The following XPO5 variants were observed in gnomAD, a reference collection of about 807,000 sequenced individuals.
XPO5 encodes exportin 5, also known as exportin-5.
Under a neutral mutation model 160.6 loss-of-function variants are expected in XPO5, and 46 were observed. The observed-to-expected ratio is 0.29, with a 90% confidence interval of 0.23 to 0.37. The LOEUF is 0.37. XPO5 is among the 10% of genes least tolerant of loss of function. The pLI is 1.00. For missense variants in XPO5, 1,090 were observed against 1,463.9 expected (o/e 0.74, Z 4.17); for synonymous variants, 537 against 519.3 (o/e 1.03, Z -0.46).
chr6:43,571,713 C>T (rs761113517), intron 3 of XPO5, among the ~76,000 whole-genome samples: 15 of 151,500 alleles, frequency 9.9e-5, no homozygotes, highest in Admixed American at 5.9e-4. Flanking sequence ...GAGGCTAAGG[C>T]GAGAAGATCA....
chr6:43,554,496 C>T (rs188393283), intron 13 of XPO5, among the ~76,000 whole-genome samples: 3 of 151,600 alleles, frequency 2.0e-5, no homozygotes, highest in Admixed American at 2.0e-4. Context: ...ACGATCTTGG[C>T]TCACTGAAAC....
At chr6:43,563,575 T>C (rs994182725) in intron 8 of XPO5, among the ~76,000 whole-genome samples, 4 of 152,144 alleles carry the variant, frequency 2.6e-5, no homozygotes, top group Non-Finnish European at 5.9e-5. Flanking sequence ...TAGAGTGTAC[T>C]TACACAAACT....
chr6:43,553,462 C>A lies in XPO5; in HGVS notation c.1483G>T (p.Val495Phe). Residue 495 changes from valine to phenylalanine, a missense_variant, in exon 14 of 32, where the codon GTC (valine) becomes TTC (phenylalanine). Physicochemically the swap from Val to Phe is conservative, Grantham distance 50. Transcript: ENST00000265351. Reference sequence around the variant, plus strand: ...CACTGCACGAATGAAGGTGAGAAGACGGAACAGAGGCTTCCTTCTCCAGTT... The same window carrying A: ...CACTGCACGAATGAAGGTGAGAAGAAGGAACAGAGGCTTCCTTCTCCAGTT... Reference protein sequence around the residue: ...VGTGEGSLCSVFSPSFVQWEA... With the variant: ...VGTGEGSLCSFFSPSFVQWEA... 6.3e-7 allele frequency: 1 copy of A among 1,577,306 alleles called. No individual in the cohort carries two copies. The highest frequency in any genetic ancestry group is 8.6e-7 in the Non-Finnish European group (1 of 1,161,030).
chr6:43,562,009 G>A (rs1762442921), intron 9 of XPO5: 1 of 359,792 alleles, frequency 2.8e-6, no homozygotes, highest in Non-Finnish European at 5.0e-6. Context: ...TGACTTTATG[G>A]AATAATAGAC....
intron 2 of XPO5, among the ~76,000 whole-genome samples, chr6:43,573,033 T>C (rs1292797955): frequency 6.6e-6 from 1 of 151,982 alleles, no homozygotes; most frequent in Non-Finnish European, 1.5e-5. Context: ...GACAATCAAG[T>C]TAGGATGGGT....
intron 8 of XPO5, 89 bp from the exon 9 acceptor site, chr6:43,562,435 T>A: frequency 1.0e-6 from 1 of 965,316 alleles, no homozygotes; most frequent in Non-Finnish European, 1.6e-6. Flanking sequence ...CCAAGTCATT[T>A]AGTTAGGTCT....
chr6:43,575,913 C>T lies in XPO5; in HGVS notation c.-49G>A. ...GCACACCACTGCAGTCCCGGGACCA[C>T]GAGGCACGACAGCTCCCTCGGCGAG... On this transcript the variant is annotated 5_prime_UTR_variant, in exon 1 of 32. In the 5' UTR this introduces an upstream ATG that the reference lacks. Coordinates refer to ENST00000265351, the MANE Select transcript of XPO5 (RefSeq NM_020750.3). 6.4e-7 allele frequency: 1 copy of T among 1,571,524 alleles called. No individual in the cohort carries two copies. The highest frequency in any genetic ancestry group is 8.7e-7 in the Non-Finnish European group (1 of 1,148,396).
intron 8 of XPO5, among the ~76,000 whole-genome samples, chr6:43,565,131 A>G (rs924175079): frequency 5.9e-5 from 9 of 152,080 alleles, no homozygotes; most frequent in African/African-American, 2.2e-4. Context: ...CGTGTTGGCC[A>G]GGCTGGTCTC....
At chr6:43,547,535 G>A in intron 19 of XPO5, 73 bp downstream of exon 19, 1 of 1,423,702 alleles carries the variant, frequency 7.0e-7, no homozygotes, top group East Asian at 2.3e-5. Context: ...AAATCTATGA[G>A]AAACTTGACA....
At chr6:43,559,291 C>T (rs955409986) in intron 11 of XPO5, among the ~76,000 whole-genome samples, 9 of 151,890 alleles carry the variant, frequency 5.9e-5, no homozygotes, top group South Asian at 2.1e-4. Flanking sequence ...GGTGAGACTC[C>T]GTCTCAAAAA....
Position 43,538,741 on chromosome 6 carries a change from ATAAAAT to A in XPO5, c.2343-4740_2343-4735del, listed in dbSNP as rs1794504514. ...TTTGGTATCAAAATAAATAAGCCTC[ATAAAAT>A]GAGTTATGGAGCACTACATTTTTCT... On this transcript the variant is annotated intron_variant, in intron 20 of 31. Coordinates refer to ENST00000265351, the MANE Select transcript of XPO5 (RefSeq NM_020750.3). The A allele has an allele frequency of 7.6e-6, 4 of 528,624 alleles. No individual in the cohort carries two copies. The African/African-American group carries it at 7.9e-5, about 10-fold the overall frequency. 32.7% of individuals were successfully genotyped at this position (528,624 alleles called of 1,614,324 possible). A position where few individuals can be genotyped will look rare whatever the true frequency, so the allele number is the denominator to read the frequency against.
intron 20 of XPO5, chr6:43,539,016 T>C (rs552000986): frequency 1.4e-5 from 22 of 1,545,490 alleles, no homozygotes; most frequent in South Asian, 3.3e-5. Flanking sequence ...AGGGTGGCAG[T>C]GCAGCCCTGG....
chr6:43,572,100 T>C lies in XPO5; in HGVS notation c.300+406A>G, dbSNP rs186765894. 7.2e-5 allele frequency among the ~76,000 whole-genome samples: 11 copies of C among 152,356 alleles called. No homozygotes were observed. In the East Asian group the frequency reaches 2.1e-3, roughly 29 times the overall value. On this transcript the variant is annotated intron_variant, in intron 3 of 31. Coordinates refer to ENST00000265351, the MANE Select transcript of XPO5 (RefSeq NM_020750.3). The stretch of plus-strand genomic sequence containing the variant: ...CTTTTGTTTTGTTTTGTTTTTGAGA[T>C]AGGGTCTTGCTCTGTTGCACAGGCT...
chr6:43,559,701 T>C (rs760157466), intron 11 of XPO5, among the ~76,000 whole-genome samples: 3 of 152,270 alleles, frequency 2.0e-5, no homozygotes, highest in African/African-American at 7.2e-5. Flanking sequence ...TACTCTCATA[T>C]GGAAGAGCAG....
At chr6:43,545,785 A>T (rs940867857) in intron 20 of XPO5, among the ~76,000 whole-genome samples, 2 of 152,132 alleles carry the variant, frequency 1.3e-5, no homozygotes, top group African/African-American at 2.4e-5. Flanking sequence ...TGAATTATAT[A>T]AAAAAACCTA....
chr6:43,532,743 CAG>C, intron 21 of XPO5, among the ~76,000 whole-genome samples: 1 of 152,326 alleles, frequency 6.6e-6, no homozygotes, highest in South Asian at 2.1e-4. Flanking sequence ...GATAAACACT[CAG>C]AGCCCTGCCA....
intron 20 of XPO5, 114 bp from the exon 21 acceptor site, chr6:43,534,121 TG>T (rs1794168367): frequency 1.4e-6 from 1 of 702,832 alleles, no homozygotes; most frequent in Admixed American, 2.5e-5. Context: ...CATCAACTCC[TG>T]GCAGGGGAAA....
chr6:43,526,930 T>C (rs1371187081), intron 26 of XPO5, 183 bp from the exon 27 acceptor site: 1 of 604,418 alleles, frequency 1.7e-6, no homozygotes, highest in Non-Finnish European at 3.0e-6. Context: ...GACCGAACTG[T>C]TTTGGTCCTT....
chr6:43,551,302 G>C lies in XPO5; in HGVS notation c.1724C>G (p.Ser575Cys). The C allele has an allele frequency of 6.2e-7, 1 of 1,610,396 alleles. No homozygotes were observed. The highest frequency in any genetic ancestry group is 8.5e-7 in the Non-Finnish European group (1 of 1,178,630). Residue 575 changes from serine to cysteine, a missense_variant, in exon 15 of 32, where the codon TCT (serine) becomes TGT (cysteine). Transcript: ENST00000265351. ...YRPEFLPQVF[S>C]KLFSSVTFET... ...CAAAGGAGATGGGCTTTATACCTTA[G>C]AGAAGACCTGGGGCAGGAACTCTGG... is the stretch of plus-strand genomic sequence containing the variant.
Sources: allele counts gnomAD v4.1 joint callset (sites outside exome capture counted in the v4.1 genomes callset), GRCh38; gene constraint gnomAD v4.1.1; transcripts MANE v1.5; gene names NCBI Gene and HGNC (gene_info 2026-07-23, HGNC 2026-07-21).